The following PRMT8 variants were observed in gnomAD, a reference collection of about 807,000 sequenced individuals.
PRMT8 encodes protein arginine methyltransferase 8.
Under a neutral mutation model 47.1 loss-of-function variants are expected in PRMT8, and 7 were observed. That is an observed-to-expected ratio of 0.15 (90% CI 0.08 to 0.28). The LOEUF (loss-of-function observed/expected upper bound fraction) is 0.28. Ranked by LOEUF, PRMT8 falls within the 10% of genes least tolerant of loss-of-function variation. The pLI is 1.00. For synonymous variants in PRMT8, 188 were observed against 186.5 expected (o/e 1.01, Z -0.07); for missense variants, 237 against 505.4 (o/e 0.47, Z 5.09).
chr12:3,540,873 A>G, intron 2 of PRMT8, 82 bp downstream of exon 2: 1 of 1,415,726 alleles, frequency 7.1e-7, no homozygotes, highest in Non-Finnish European at 9.8e-7. Flanking sequence ...TAGTGTGTTC[A>G]ACTCCTTACC....
At chr12:3,408,172 T>TTTCCTTCC (rs545298976) in intron 1 of PRMT8, among the ~76,000 whole-genome samples, 2 of 151,098 alleles carry the variant, frequency 1.3e-5, no homozygotes, top group Non-Finnish European at 2.9e-5. Flanking sequence ...TCTTTCTTTC[T>TTTCCTTCC]TTCCTTCCTT....
At chr12:3,578,700 G>T (rs139716458) in intron 7 of PRMT8, among the ~76,000 whole-genome samples, 11 of 152,260 alleles carry the variant, frequency 7.2e-5, no homozygotes, top group East Asian at 1.9e-4. Flanking sequence ...GGACGGGGGT[G>T]GGGGAGGTTT....
At chr12:3,587,512 C>G (rs17769930) in intron 8 of PRMT8, among the ~76,000 whole-genome samples, 2 of 152,022 alleles carry the variant, frequency 1.3e-5, no homozygotes, top group African/African-American at 4.8e-5. Context: ...CTTATTGATT[C>G]GAGCTATGCC....
At chr12:3,433,719 C>G (rs1427331892) in intron 1 of PRMT8, among the ~76,000 whole-genome samples, 1 of 152,148 alleles carries the variant, frequency 6.6e-6, no homozygotes, top group Non-Finnish European at 1.5e-5. Flanking sequence ...TCAAGCAATT[C>G]TCCTGCCTCA....
chr12:3,518,409 T>A (rs200641445), intron 1 of PRMT8, among the ~76,000 whole-genome samples: 50 of 148,974 alleles, frequency 3.4e-4, no homozygotes, highest in African/African-American at 7.4e-4. Flanking sequence ...TTTTTTTTTT[T>A]AAAAAAAAGG....
intron 1 of PRMT8, among the ~76,000 whole-genome samples, chr12:3,410,299 T>C (rs1650409310): frequency 6.6e-6 from 1 of 152,218 alleles, no homozygotes; most frequent in Admixed American, 6.5e-5. Context: ...CTCAGTCCCC[T>C]GGCAGTGACC....
intron 1 of PRMT8, among the ~76,000 whole-genome samples, chr12:3,498,860 C>T (rs1159493631): frequency 6.6e-6 from 1 of 152,152 alleles, no homozygotes; most frequent in East Asian, 1.9e-4. Context: ...TGTCTTCTTC[C>T]ACAGTTCTGG....
intron 1 of PRMT8, among the ~76,000 whole-genome samples, chr12:3,523,484 C>A (rs1268156593): frequency 6.6e-6 from 1 of 152,164 alleles, no homozygotes; most frequent in Non-Finnish European, 1.5e-5. Context: ...CACTCCCCAT[C>A]CCACTACTTC....
At position 3,493,659 on chromosome 12, in the gene PRMT8, G is replaced by A. The variant is rs1371985033; in HGVS notation, c.75+1959G>A. Among the ~76,000 whole-genome samples, 1 of 152,218 alleles carries A rather than the reference G, an allele frequency of 6.6e-6. No homozygotes were observed. The highest frequency in any genetic ancestry group is 1.5e-5 in the Non-Finnish European group (1 of 68,042). ...AGGCGTCCGGAGCAGGCAGAGCGCC[G>A]CGCGCCAGTCTATTTTTACTTGCTT... On this transcript the variant is annotated intron_variant, in intron 1 of 9. Coordinates refer to ENST00000382622, the MANE Select transcript of PRMT8 (RefSeq NM_019854.5). The surrounding 1 kb of genome is among the most constrained non-coding windows in gnomAD (Gnocchi z 8.2).
Position 3,540,633 on chromosome 12 carries a change from C to CCCCCCCCCCCCCCCCCCCCAA in PRMT8, c.103_104insCCCCCCCCCCCCCCCCCCCAA (p.Gln35delinsProProProProProProProLys). ...GAACAGCCCCCCCTCCCAGCCCCCC[C>CCCCCCCCCCCCCCCCCCCCAA]AGCCCGTCGTCCCTGCTAAGCCCGT... On this transcript the variant is annotated protein_altering_variant, in exon 2 of 10. Coordinates refer to ENST00000382622, the MANE Select transcript of PRMT8 (RefSeq NM_019854.5). The CCCCCCCCCCCCCCCCCCCCAA allele has an allele frequency of 6.4e-7, 1 of 1,553,198 alleles. No individual in the cohort carries two copies. Among genetic ancestry groups the CCCCCCCCCCCCCCCCCCCCAA allele is most frequent in the Non-Finnish European group, 8.9e-7 (1 of 1,127,228 alleles).
At chr12:3,547,960 T>C (rs968075032) in intron 2 of PRMT8, among the ~76,000 whole-genome samples, 2 of 152,196 alleles carry the variant, frequency 1.3e-5, no homozygotes, top group African/African-American at 4.8e-5. Flanking sequence ...AAAATAATCT[T>C]GTTAAAGAAG....
upstream of PRMT8, among the ~76,000 whole-genome samples, chr12:3,489,675 A>G (rs1399773288): frequency 6.6e-6 from 1 of 152,116 alleles, no homozygotes; most frequent in Non-Finnish European, 1.5e-5. Context: ...CACTTTCTGC[A>G]TGTTGACAGA....
rs549296951 is a variant in PRMT8 at position 3,397,737 on chromosome 12, C to G, written c.48+16295C>G. ...GCCTCCTTGAGCTGTGGTGGGCTCC[C>G]CCCAGTTCGTGCTTCCCGGCTGCTT... On this transcript the variant is annotated intron_variant, in intron 1 of 9. Coordinates refer to the PRMT8 transcript ENST00000452611. 1.2e-3 allele frequency among the ~76,000 whole-genome samples: 175 copies of G among 151,310 alleles called. 3 individuals are homozygous for G. Among genetic ancestry groups the G allele is most frequent in the South Asian group, 4.7e-3 (22 of 4,654 alleles).
At chr12:3,491,106 T>C (rs1428676548), upstream of PRMT8, 3 of 959,826 alleles carry the variant, frequency 3.1e-6, no homozygotes, top group Non-Finnish European at 3.7e-6. Context: ...CTGGGGGCCC[T>C]CGGTCTGCGC....
At chr12:3,589,661 T>C in intron 8 of PRMT8, among the ~76,000 whole-genome samples, 1 of 152,232 alleles carries the variant, frequency 6.6e-6, no homozygotes, top group South Asian at 2.1e-4. Flanking sequence ...AATTACTCCA[T>C]GGCTAATGGG....
At chr12:3,479,956 G>A (rs1865257647) in intron 1 of PRMT8, among the ~76,000 whole-genome samples, 1 of 152,172 alleles carries the variant, frequency 6.6e-6, no homozygotes, top group South Asian at 2.1e-4. Flanking sequence ...ACGTGTGAGG[G>A]GGAGGATGGG....
chr12:3,388,342 T>G (rs933890140), intron 1 of PRMT8, among the ~76,000 whole-genome samples: 1 of 152,194 alleles, frequency 6.6e-6, no homozygotes, highest in African/African-American at 2.4e-5. Context: ...ATTGTGTCCT[T>G]CTCAATCATC....
chr12:3,592,175 T>C (rs1867319638), intron 8 of PRMT8, 56 bp from the exon 9 acceptor site: 1 of 1,519,502 alleles, frequency 6.6e-7, no homozygotes, highest in African/African-American at 1.4e-5. Context: ...CTCATCCCTT[T>C]GGAGACTTCG....
chr12:3,568,996 C>A, intron 5 of PRMT8, 148 bp downstream of exon 5: 1 of 1,129,742 alleles, frequency 8.9e-7, no homozygotes, highest in Non-Finnish European at 1.3e-6. Flanking sequence ...TAGAGCAGAT[C>A]TGTATCAGGG....
Sources: gnomAD v4.1 joint callset for allele counts (sites outside exome capture counted in the v4.1 genomes callset) on GRCh38, gnomAD v4.1.1 for gene constraint, Gnocchi (gnomAD v3.1) non-coding constraint, MANE v1.5 for transcripts, NCBI Gene and HGNC (gene_info 2026-07-23, HGNC 2026-07-21) for gene names.